Variants in SHE observed in about 807,000 individuals in gnomAD.
SHE encodes the protein Src homology 2 domain containing E, also known as SH2 domain-containing adapter protein E.
A neutral mutation model predicts 49.8 loss-of-function variants in SHE; 11 were observed. That is an observed-to-expected ratio of 0.22 (90% CI 0.14 to 0.37). The LOEUF is 0.37. SHE is among the 10% of genes least tolerant of loss of function. The probability of loss-of-function intolerance (pLI) is 1.00; values close to 1 mark genes in which losing one functional copy is unlikely to be tolerated. For missense variants in SHE, 624 were observed against 655.5 expected (o/e 0.95, Z 0.52); for synonymous variants, 310 against 278.1 (o/e 1.11, Z -1.14).
chr1:154,478,960 T>A (rs1169624636), downstream of SHE, among the ~76,000 whole-genome samples: 1 of 152,228 alleles, frequency 6.6e-6, no homozygotes, highest in Non-Finnish European at 1.5e-5. Flanking sequence ...CTCAACAGTA[T>A]GCCCTTCTAG....
At chr1:154,488,249 C>A (rs1464357436) in intron 3 of SHE, among the ~76,000 whole-genome samples, 1 of 151,318 alleles carries the variant, frequency 6.6e-6, no homozygotes, top group East Asian at 2.0e-4. Flanking sequence ...CATAGTTATA[C>A]TTTTGTATAA....
chr1:154,490,056 G>GT (rs1240733096), intron 2 of SHE, among the ~76,000 whole-genome samples: 3 of 152,208 alleles, frequency 2.0e-5, no homozygotes, highest in Non-Finnish European at 1.5e-5. Context: ...TCAAACCACA[G>GT]TAAGTCAGGC....
chr1:154,486,399 T>G lies in SHE; in HGVS notation c.1181+128A>C, dbSNP rs1692183714. 17 of 1,341,214 alleles carry G rather than the reference T, an allele frequency of 1.3e-5. No homozygotes were observed. In the South Asian group the frequency reaches 2.4e-4, roughly 19 times the overall value. 83.1% of individuals were successfully genotyped at this position (1,341,214 alleles called of 1,614,324 possible). A position where few individuals can be genotyped will look rare whatever the true frequency, so the allele number is the denominator to read the frequency against. ...CTGGGCTTTGAAGATGGGTTTTCAT[T>G]AAAAACCCCATCCAGGCAAGTGTTC... On this transcript the variant is annotated intron_variant, in intron 4 of 5. Transcript: ENST00000304760.
chr1:154,482,422 G>C lies in SHE; in HGVS notation c.*1727C>G. ...TTGGCTGAGATCTTATCTGAATAAA[G>C]AAGCAAAAATTTACTAACCTCTAAA... On this transcript the variant is annotated 3_prime_UTR_variant, in exon 6 of 6. Coordinates refer to ENST00000304760, the MANE Select transcript of SHE (RefSeq NM_001010846.3). 2.0e-6 allele frequency: 2 copies of C among 985,240 alleles called. No homozygotes were observed. The highest frequency in any genetic ancestry group is 2.4e-6 in the Non-Finnish European group (2 of 829,818). 61.0% of individuals were successfully genotyped at this position (985,240 alleles called of 1,614,324 possible).
At position 154,484,063 on chromosome 1, in the gene SHE, G is replaced by A. The variant is rs1331824043; in HGVS notation, c.*86C>T. 11 of 1,513,630 alleles carry A rather than the reference G, an allele frequency of 7.3e-6. No homozygotes were observed. Among genetic ancestry groups the A allele is most frequent in the Middle Eastern group, 4.8e-4 (2 of 4,132 alleles). The allele number at this position is 1,513,630 out of a possible 1,614,324, so 93.8% of individuals were successfully genotyped here. On this transcript the variant is annotated 3_prime_UTR_variant, in exon 6 of 6. Coordinates refer to ENST00000304760, the MANE Select transcript of SHE (RefSeq NM_001010846.3). The stretch of plus-strand genomic sequence containing the variant: ...GACTCCCATTTTCTAGCAGTTGCTA[G>A]TCCAGCCTTGTCCTCTGAGATGCTG...
chr1:154,492,483 G>A (rs917824373), intron 2 of SHE, among the ~76,000 whole-genome samples: 1 of 152,164 alleles, frequency 6.6e-6, no homozygotes, highest in African/African-American at 2.4e-5. Flanking sequence ...GAATGTAAGA[G>A]TCGGAAGAAC....
At chr1:154,476,253 G>A (rs1438685855), downstream of SHE, among the ~76,000 whole-genome samples, 1 of 152,160 alleles carries the variant, frequency 6.6e-6, no homozygotes, top group Admixed American at 6.5e-5. Context: ...AGTTGAGGTG[G>A]GAGAATTGCT....
intron 2 of SHE, among the ~76,000 whole-genome samples, chr1:154,491,998 T>G (rs181837453): frequency 1.3e-5 from 2 of 152,130 alleles, no homozygotes; most frequent in Non-Finnish European, 2.9e-5. Flanking sequence ...AGACTTTCTA[T>G]CTGTAACTTC....
intron 2 of SHE, among the ~76,000 whole-genome samples, chr1:154,498,491 T>A (rs1692609076): frequency 6.6e-6 from 1 of 151,194 alleles, no homozygotes; most frequent in Non-Finnish European, 1.5e-5. Context: ...TCCTCCTCCC[T>A]AGTTCAAGTG....
chr1:154,473,632 G>T (rs1333015616), intron 1 of SHE, among the ~76,000 whole-genome samples: 1 of 151,884 alleles, frequency 6.6e-6, no homozygotes, highest in Non-Finnish European at 1.5e-5. Flanking sequence ...GCAAAACCCT[G>T]TCTCTACTAA....
chr1:154,494,779 C>T (rs1692473156), intron 2 of SHE, among the ~76,000 whole-genome samples: 1 of 152,174 alleles, frequency 6.6e-6, no homozygotes, highest in South Asian at 2.1e-4. Flanking sequence ...TGCACGGTGG[C>T]TCACTTTGTG....
chr1:154,502,197 G>A lies in SHE; in HGVS notation c.-171C>T. On this transcript the variant is annotated 5_prime_UTR_variant, in exon 1 of 6. Transcript: ENST00000304760. Reference sequence around the variant, plus strand: ...ACACGGCAGGCGACAGGCACGACGCGCGGGGGGCCCCGCCCGGGCTCGTCT... The same window carrying A: ...ACACGGCAGGCGACAGGCACGACGCACGGGGGGCCCCGCCCGGGCTCGTCT... The A allele has an allele frequency of 5.2e-6, 2 of 382,802 alleles. No homozygotes were observed. Among genetic ancestry groups the A allele is most frequent in the Non-Finnish European group, 8.1e-6 (2 of 247,144 alleles). 23.7% of individuals were successfully genotyped at this position (382,802 alleles called of 1,614,324 possible).
At position 154,486,905 on chromosome 1, in the gene SHE, T is replaced by C. The variant is rs1225262480; in HGVS notation, c.1025-222A>G. On this transcript the variant is annotated intron_variant, in intron 3 of 5. Coordinates refer to ENST00000304760, the MANE Select transcript of SHE (RefSeq NM_001010846.3). ...CCACAGACACTTTTTCTGTAAAATA[T>C]TCATCAGTATAAAACAGTTTTAGAT... 2.0e-5 allele frequency among the ~76,000 whole-genome samples: 3 copies of C among 152,216 alleles called. No homozygotes were observed. The South Asian group carries it at 6.2e-4, about 32-fold the overall frequency.
chr1:154,470,719 A>G (rs1177654984), intron 1 of SHE, among the ~76,000 whole-genome samples: 1 of 152,158 alleles, frequency 6.6e-6, no homozygotes, highest in Non-Finnish European at 1.5e-5. Context: ...GGGCACCTGT[A>G]ATCCCAGCTA....
chr1:154,495,736 A>T (rs906997797), intron 2 of SHE, among the ~76,000 whole-genome samples: 24 of 8,284 alleles, frequency 2.9e-3, no homozygotes, highest in Non-Finnish European at 0.011. Context: ...GTACATAATA[A>T]AAAAAAAAAC....
At chr1:154,499,296 G>A in intron 1 of SHE, 58 bp from the exon 2 acceptor site, 1 of 1,561,156 alleles carries the variant, frequency 6.4e-7, no homozygotes, top group Non-Finnish European at 8.7e-7. Context: ...AAATGGCAAT[G>A]GTATCAAAAT....
intron 1 of SHE, among the ~76,000 whole-genome samples, chr1:154,499,927 A>C (rs1692653584): frequency 6.6e-6 from 1 of 152,222 alleles, no homozygotes; most frequent in Admixed American, 6.5e-5. Flanking sequence ...CTTTCCAAAA[A>C]TAGAAGGCAC....
chr1:154,472,848 T>G (rs1227718992), intron 1 of SHE, among the ~76,000 whole-genome samples: 1 of 152,188 alleles, frequency 6.6e-6, no homozygotes, highest in African/African-American at 2.4e-5. Flanking sequence ...GGTAGAGATA[T>G]CTACTAAAAT....
downstream of SHE, among the ~76,000 whole-genome samples, chr1:154,476,975 C>T (rs1691891806): frequency 6.6e-6 from 1 of 152,192 alleles, no homozygotes; most frequent in Admixed American, 6.5e-5. Context: ...AATTCTGGTG[C>T]TACCTGTGGA....
Sources: allele counts gnomAD v4.1 joint callset (sites outside exome capture counted in the v4.1 genomes callset), GRCh38; gene constraint gnomAD v4.1.1; transcripts MANE v1.5; gene names NCBI Gene and HGNC (gene_info 2026-07-23, HGNC 2026-07-21).